UNC13B: variants seen among roughly 807,000 people sequenced by gnomAD.
UNC13B encodes unc-13 homolog B, also known as protein unc-13 homolog B.
Under a neutral mutation model 211.0 loss-of-function variants are expected in UNC13B, and 144 were observed. That is an observed-to-expected ratio of 0.68 (90% CI 0.60 to 0.78). The LOEUF (loss-of-function observed/expected upper bound fraction) is 0.78. Ranked by LOEUF, UNC13B falls within the 30% of genes least tolerant of loss-of-function variation. The pLI, the probability that UNC13B is intolerant of heterozygous loss-of-function variation, is 0.00. For missense variants in UNC13B, 1,777 were observed against 2,002.0 expected (o/e 0.89, Z 2.14); for synonymous variants, 709 against 725.8 (o/e 0.98, Z 0.37).
rs376829580 is a variant in UNC13B at position 35,403,474 on chromosome 9, G to A, written c.12612G>A (p.Ala4204=). ...VAANDLKWQT[A]GMFRPFVEVT... Reference sequence around the variant, plus strand: ...CCAATGACCTCAAGTGGCAGACAGCGGGTATGTTCCGGCCTTTCGTGGAGG... The same window carrying A: ...CCAATGACCTCAAGTGGCAGACAGCAGGTATGTTCCGGCCTTTCGTGGAGG... Residue 4204 remains alanine (A), a synonymous_variant, in exon 39 of 40, where the codon GCG becomes GCA. Coordinates refer to ENST00000635942, the MANE Select transcript of UNC13B (RefSeq NM_001371189.2). 2.0e-5 allele frequency: 33 copies of A among 1,614,046 alleles called. No individual in the cohort carries two copies. The highest frequency in any genetic ancestry group is 1.3e-4 in the South Asian group (12 of 91,076).
intron 1 of UNC13B, among the ~76,000 whole-genome samples, chr9:35,212,238 G>A (rs565370489): frequency 6.6e-6 from 1 of 152,216 alleles, no homozygotes; most frequent in South Asian, 2.1e-4. Context: ...CAAAAAGTAA[G>A]AGAAAAAATA....
rs952186168 is a variant in UNC13B, at chr9:35,278,333, G to A, written c.527-17363G>A. Among the ~76,000 whole-genome samples, 7 of 152,242 alleles carry A rather than the reference G, an allele frequency of 4.6e-5. No homozygotes were observed. In the East Asian group the frequency reaches 7.7e-4, roughly 17 times the overall value. On this transcript the variant is annotated intron_variant, in intron 7 of 39. Coordinates refer to ENST00000635942, the MANE Select transcript of UNC13B (RefSeq NM_001371189.2). ...GTCGTAGAATTGAAAGTTTTGAGCC[G>A]CTTAAGATTTTGGTGGCTAAAATTT...
chr9:35,205,652 G>A (rs916493093), intron 1 of UNC13B, among the ~76,000 whole-genome samples: 2 of 152,206 alleles, frequency 1.3e-5, no homozygotes, highest in African/African-American at 4.8e-5. Context: ...AATATAATAT[G>A]TAGTCTTTTG....
chr9:35,328,125 A>G (rs1173168022), intron 11 of UNC13B, among the ~76,000 whole-genome samples: 1 of 152,052 alleles, frequency 6.6e-6, no homozygotes. Context: ...GGTTCAAGCA[A>G]TTCTCCTGCC....
chr9:35,317,677 C>A (rs1205580990), intron 11 of UNC13B, among the ~76,000 whole-genome samples: 1 of 150,662 alleles, frequency 6.6e-6, no homozygotes, highest in African/African-American at 2.4e-5. Context: ...CGTGGGCCAC[C>A]ATGCCTGGCT....
intron 1 of UNC13B, among the ~76,000 whole-genome samples, chr9:35,184,426 C>A (rs1441723990): frequency 6.6e-6 from 1 of 152,192 alleles, no homozygotes; most frequent in Non-Finnish European, 1.5e-5. Context: ...CAACACTGAG[C>A]ATTGAGTGAG....
At chr9:35,293,225 A>G (rs1429686488) in intron 7 of UNC13B, among the ~76,000 whole-genome samples, 3 of 151,972 alleles carry the variant, frequency 2.0e-5, no homozygotes, top group Non-Finnish European at 4.4e-5. Context: ...TTATTTCTTT[A>G]GTGTAGAAAT....
intron 7 of UNC13B, among the ~76,000 whole-genome samples, chr9:35,292,045 A>G (rs1019536293): frequency 6.6e-6 from 1 of 152,198 alleles, no homozygotes; most frequent in African/African-American, 2.4e-5. Flanking sequence ...TCAGGCATAA[A>G]TGGGTTAACA....
At position 35,377,708 on chromosome 9, in the gene UNC13B, C is replaced by T. The variant is rs1834522870; in HGVS notation, c.10063+13C>T. 6.2e-7 allele frequency: 1 copy of T among 1,611,448 alleles called. No individual in the cohort carries two copies. The highest frequency in any genetic ancestry group is 1.7e-5 in the Admixed American group (1 of 59,804). On this transcript the variant is annotated intron_variant, in intron 16 of 39. Transcript: ENST00000635942. ...ATCACCATTACTGGTGAGCAGGCCA[C>T]AGTTTGAGGGGACAGGAAGGCCTGG... is the stretch of plus-strand genomic sequence containing the variant.
At chr9:35,244,657 G>T (rs1428534612) in intron 6 of UNC13B, among the ~76,000 whole-genome samples, 2 of 152,070 alleles carry the variant, frequency 1.3e-5, no homozygotes, top group African/African-American at 4.8e-5. Context: ...GTGTCTGTCT[G>T]TGTCTTCACA....
intron 5 of UNC13B, among the ~76,000 whole-genome samples, chr9:35,238,379 T>C (rs1825628120): frequency 6.6e-6 from 1 of 152,172 alleles, no homozygotes; most frequent in African/African-American, 2.4e-5. Context: ...AGACACATGA[T>C]ATTTATTTTC....
chr9:35,249,179 C>G (rs996566485), intron 6 of UNC13B, among the ~76,000 whole-genome samples: 18 of 152,150 alleles, frequency 1.2e-4, no homozygotes, highest in East Asian at 3.9e-4. Context: ...GATTGCAACC[C>G]CTGCCTTTTT....
At position 35,384,679 on chromosome 9, in the gene UNC13B, C is replaced by G. The variant is rs1398906619; in HGVS notation, c.10875+365C>G. On this transcript the variant is annotated intron_variant, in intron 22 of 39. Transcript: ENST00000635942. ...CATTTCTTTTTTGCATTTTTCCATACTCTCCTCGTTTTCCAGCGGAGGTGT... is the reference window on the plus strand; with the variant it reads ...CATTTCTTTTTTGCATTTTTCCATAGTCTCCTCGTTTTCCAGCGGAGGTGT... The G allele has an allele frequency of 7.1e-6, 7 of 985,296 alleles. No individual in the cohort carries two copies. In the African/African-American group the frequency reaches 1.0e-4, roughly 15 times the overall value. 61.0% of individuals were successfully genotyped at this position (985,296 alleles called of 1,614,324 possible). A position where few individuals can be genotyped will look rare whatever the true frequency, so the allele number is the denominator to read the frequency against.
rs1491565640 is a variant in UNC13B, at chr9:35,321,091, CAT to C, written c.9414+7103_9414+7104del. On this transcript the variant is annotated intron_variant, in intron 11 of 39. Transcript: ENST00000635942. The stretch of plus-strand genomic sequence containing the variant: ...AGATCATAATATGTGTGGATTTAAA[CAT>C]TTTTTTTCTCACTTTGTTTTTGTGA... 2.7e-5 allele frequency among the ~76,000 whole-genome samples: 4 copies of C among 150,380 alleles called. No homozygotes were observed. In the Admixed American group the frequency reaches 2.7e-4, roughly 10 times the overall value.
intron 2 of UNC13B, among the ~76,000 whole-genome samples, chr9:35,229,723 C>T (rs1415794738): frequency 6.6e-6 from 1 of 151,846 alleles, no homozygotes; most frequent in Non-Finnish European, 1.5e-5. Flanking sequence ...TGGAGATTCC[C>T]CTTGTATGGG....
chr9:35,270,922 C>A (rs1052278129), intron 7 of UNC13B, among the ~76,000 whole-genome samples: 2 of 152,062 alleles, frequency 1.3e-5, no homozygotes, highest in Non-Finnish European at 2.9e-5. Flanking sequence ...AGGTGGATCA[C>A]GAGGTCAGGA....
chr9:35,178,429 G>A (rs186133640), intron 1 of UNC13B, among the ~76,000 whole-genome samples: 1 of 152,020 alleles, frequency 6.6e-6, no homozygotes, highest in African/African-American at 2.4e-5. Flanking sequence ...CCCAGGAGGC[G>A]GAGGTTGCAG....
Position 35,389,900 on chromosome 9 carries a change from T to G in UNC13B, c.11149T>G (p.Trp3717Gly), listed in dbSNP as rs746905473. 6.2e-7 allele frequency: 1 copy of G among 1,614,192 alleles called. No homozygotes were observed. Among genetic ancestry groups the G allele is most frequent in the Non-Finnish European group, 8.5e-7 (1 of 1,180,018 alleles). Reference sequence around the variant, plus strand: ...GCCCAGCATTCGGAACCTGGATTTCTGGCCCAAGCTCATCACACTCATCGT... The same window carrying G: ...GCCCAGCATTCGGAACCTGGATTTCGGGCCCAAGCTCATCACACTCATCGT... ...QGPSIRNLDFWPKLITLIVSI... is the reference protein window; with the variant it reads ...QGPSIRNLDFGPKLITLIVSI... The change falls in exon 25 of 40, where the codon TGG becomes GGG. Residue 3717 changes from tryptophan to glycine, a missense_variant. Trp to Gly is a radical substitution (Grantham distance 184). Coordinates refer to ENST00000635942, the MANE Select transcript of UNC13B (RefSeq NM_001371189.2).
intron 7 of UNC13B, 106 bp downstream of exon 7, chr9:35,259,156 A>G (rs941598851): frequency 8.7e-7 from 1 of 1,149,122 alleles, no homozygotes; most frequent in African/African-American, 1.5e-5. Flanking sequence ...CATGTGTGTA[A>G]GCAGAAGATA....
Sources: gnomAD v4.1 joint callset for allele counts (sites outside exome capture counted in the v4.1 genomes callset) on GRCh38, gnomAD v4.1.1 for gene constraint, MANE v1.5 for transcripts, NCBI Gene and HGNC (gene_info 2026-07-23, HGNC 2026-07-21) for gene names.